PTPRD: variants seen among roughly 807,000 people sequenced by gnomAD.
PTPRD encodes the protein receptor-type tyrosine-protein phosphatase delta.
A neutral mutation model predicts 214.5 loss-of-function variants in PTPRD; 34 were observed. The ratio of observed to expected loss-of-function variants is 0.16; its 90% CI spans 0.12 to 0.21. The LOEUF (loss-of-function observed/expected upper bound fraction) is 0.21, where lower values mean the gene tolerates loss of function less well. Ranked by LOEUF, PTPRD falls within the 10% of genes least tolerant of loss-of-function variation. The pLI, the probability that PTPRD is intolerant of heterozygous loss-of-function variation, is 1.00. For synonymous variants in PTPRD, 1,128 were observed against 845.7 expected (o/e 1.33, Z -5.79); for missense variants, 2,545 against 2,398.7 (o/e 1.06, Z -1.27).
chr9:9,211,085 G>C (rs1375486982), intron 9 of PTPRD, among the ~76,000 whole-genome samples: 1 of 151,938 alleles, frequency 6.6e-6, no homozygotes, highest in Non-Finnish European at 1.5e-5. Context: ...GTGTGAGTGT[G>C]TGTGTGTGTG....
chr9:9,892,789 A>G (rs1204091454), intron 5 of PTPRD, among the ~76,000 whole-genome samples: 1 of 152,066 alleles, frequency 6.6e-6, no homozygotes, highest in Non-Finnish European at 1.5e-5. Context: ...AGCAATGGAA[A>G]GCTTGAGTGG....
At chr9:10,478,482 T>G (rs2099077234) in intron 2 of PTPRD, among the ~76,000 whole-genome samples, 1 of 152,126 alleles carries the variant, frequency 6.6e-6, no homozygotes, top group African/African-American at 2.4e-5. Context: ...TTAATTAGAC[T>G]CCTGCCTAGA....
At chr9:8,902,392 G>C (rs1022841747) in intron 11 of PTPRD, among the ~76,000 whole-genome samples, 3 of 149,998 alleles carry the variant, frequency 2.0e-5, no homozygotes, top group Non-Finnish European at 4.4e-5. Context: ...GCCCAGGCTG[G>C]AGTGCAGAGG....
intron 45 of PTPRD, among the ~76,000 whole-genome samples, chr9:8,318,462 G>A (rs935274589): frequency 1.3e-5 from 2 of 152,066 alleles, no homozygotes; most frequent in Non-Finnish European, 2.9e-5. Flanking sequence ...TGTTTGGACA[G>A]TAGAGCTTGC....
chr9:8,798,813 A>G (rs2096503831), intron 11 of PTPRD, among the ~76,000 whole-genome samples: 1 of 152,204 alleles, frequency 6.6e-6, no homozygotes, highest in African/African-American at 2.4e-5. Context: ...TTTTAGTCAC[A>G]GACTTCTCAT....
At chr9:10,210,022 A>C (rs1190242600) in intron 3 of PTPRD, among the ~76,000 whole-genome samples, 1 of 152,180 alleles carries the variant, frequency 6.6e-6, no homozygotes, top group Non-Finnish European at 1.5e-5. Flanking sequence ...CTGTAAATTT[A>C]TACTAAAGAA....
At chr9:9,340,758 A>T (rs2780071) in intron 9 of PTPRD, among the ~76,000 whole-genome samples, 46,535 of 152,118 alleles carry the variant, frequency 0.31, 10,756 homozygotes, top group African/African-American at 0.65. Context: ...AACACAAGTC[A>T]ATGGTAGCTA....
intron 10 of PTPRD, among the ~76,000 whole-genome samples, chr9:9,055,510 C>G (rs183319449): frequency 1.3e-3 from 195 of 152,204 alleles, no homozygotes; most frequent in Non-Finnish European, 1.9e-3. Context: ...AATATCCCAG[C>G]ACTATGGCCC....
chr9:10,054,248 A>T (rs1303054256), intron 3 of PTPRD, among the ~76,000 whole-genome samples: 1 of 152,198 alleles, frequency 6.6e-6, no homozygotes, highest in African/African-American at 2.4e-5. Flanking sequence ...AATAAACTAT[A>T]GATACTATTT....
chr9:9,384,546 T>C (rs2063314881), intron 9 of PTPRD, among the ~76,000 whole-genome samples: 1 of 151,766 alleles, frequency 6.6e-6, no homozygotes, highest in Admixed American at 6.6e-5. Flanking sequence ...GTTCCTTTCA[T>C]GGTCTTGGCA....
At chr9:9,937,951 C>A (rs953999986) in intron 5 of PTPRD, among the ~76,000 whole-genome samples, 8 of 152,070 alleles carry the variant, frequency 5.3e-5, no homozygotes, top group African/African-American at 1.9e-4. Flanking sequence ...CAGAGTGGAT[C>A]ATAACTGGAA....
At chr9:8,641,317 A>C (rs2096571343) in intron 12 of PTPRD, among the ~76,000 whole-genome samples, 1 of 148,386 alleles carries the variant, frequency 6.7e-6, no homozygotes, top group Non-Finnish European at 1.5e-5. Flanking sequence ...CAAAAAAAAG[A>C]AATATCAAGG....
intron 6 of PTPRD, among the ~76,000 whole-genome samples, chr9:9,748,829 G>C (rs774417125): frequency 4.6e-5 from 7 of 152,196 alleles, no homozygotes; most frequent in Admixed American, 1.3e-4. Flanking sequence ...AATAATGGAA[G>C]AGTTATAGTG....
intron 9 of PTPRD, among the ~76,000 whole-genome samples, chr9:9,262,323 G>C (rs4626665): frequency 6.7e-6 from 1 of 148,694 alleles, no homozygotes; most frequent in African/African-American, 2.5e-5. Context: ...TATTTAATCT[G>C]GTATGCTAAA....
chr9:10,446,518 C>T (rs1171235177), intron 2 of PTPRD, among the ~76,000 whole-genome samples: 1 of 146,746 alleles, frequency 6.8e-6, no homozygotes, highest in Non-Finnish European at 1.5e-5. Flanking sequence ...CCAATAACTC[C>T]AAGAAAATCA....
At chr9:9,014,033 T>C (rs922438567) in intron 11 of PTPRD, among the ~76,000 whole-genome samples, 1 of 65,810 alleles carries the variant, frequency 1.5e-5, no homozygotes, top group Non-Finnish European at 3.8e-5. Flanking sequence ...TCTTCTGATG[T>C]TCATAATAAG....
rs1216399768 is a variant in PTPRD, at chr9:8,374,126, G to C, written c.4661+1810C>G. 3.9e-5 allele frequency among the ~76,000 whole-genome samples: 3 copies of C among 77,824 alleles called. No homozygotes were observed. In the East Asian group the frequency reaches 1.8e-3, roughly 48 times the overall value. 51.1% of individuals were successfully genotyped at this position (77,824 alleles called of 152,430 possible). On this transcript the variant is annotated intron_variant, in intron 39 of 45. Transcript: ENST00000381196. ...ATTACACACGTGTCTGTGTGTGTGTGTGTGTGTGTGTGTGTGTGTGTGTGT... is the reference window on the plus strand; with the variant it reads ...ATTACACACGTGTCTGTGTGTGTGTCTGTGTGTGTGTGTGTGTGTGTGTGT...
At chr9:8,540,838 C>G (rs923610185) in intron 14 of PTPRD, among the ~76,000 whole-genome samples, 1 of 152,058 alleles carries the variant, frequency 6.6e-6, no homozygotes, top group Non-Finnish European at 1.5e-5. Flanking sequence ...TCAGATATGT[C>G]TAAATAATTT....
At chr9:9,043,934 TAAAATAAAATA>T (rs1376308240) in intron 10 of PTPRD, among the ~76,000 whole-genome samples, 1 of 133,636 alleles carries the variant, frequency 7.5e-6, no homozygotes, top group East Asian at 2.0e-4. Context: ...TAAAATAAAA[TAAAATAAAATA>T]AAATAAAATA....
Sources: allele counts gnomAD v4.1 joint callset (sites outside exome capture counted in the v4.1 genomes callset), GRCh38; gene constraint gnomAD v4.1.1; transcripts MANE v1.5; gene names NCBI Gene and HGNC (gene_info 2026-07-23, HGNC 2026-07-21).